ANKFY1: variants seen among roughly 807,000 people sequenced by gnomAD.
ANKFY1 encodes ankyrin repeat and FYVE domain containing 1.
A neutral mutation model predicts 128.3 loss-of-function variants in ANKFY1; 47 were observed. The ratio of observed to expected loss-of-function variants is 0.37; its 90% confidence interval spans 0.29 to 0.47. The LOEUF (loss-of-function observed/expected upper bound fraction) is 0.47, where lower values mean the gene tolerates loss of function less well. Ranked by LOEUF, ANKFY1 falls within the 20% of genes least tolerant of loss-of-function variation. The pLI, the probability that ANKFY1 is intolerant of heterozygous loss-of-function variation, is 1.00. For synonymous variants in ANKFY1, 553 were observed against 601.6 expected (o/e 0.92, Z 1.18); for missense variants, 1,222 against 1,510.6 (o/e 0.81, Z 3.17).
chr17:4,263,942 G>GTGGCTCC lies in ANKFY1; in HGVS notation c.-2_-1insGGAGCCA, dbSNP rs1567990143. On this transcript the variant is annotated 5_prime_UTR_variant, in exon 1 of 25. Coordinates refer to ENST00000341657, the MANE Select transcript of ANKFY1 (RefSeq NM_001330063.2). ...ACAAAAAAACCCTACCTTCCGCCAT[G>GTGGCTCC]TCTGGCCCGGCACTGCCTGCAACCT... is the stretch of plus-strand genomic sequence containing the variant. The GTGGCTCC allele has an allele frequency of 3.1e-6, 5 of 1,614,010 alleles. No individual in the cohort carries two copies. Among genetic ancestry groups the GTGGCTCC allele is most frequent in the Non-Finnish European group, 4.2e-6 (5 of 1,179,954 alleles).
chr17:4,194,103 AT>A (rs796921017), intron 10 of ANKFY1, among the ~76,000 whole-genome samples: 130 of 108,164 alleles, frequency 1.2e-3, no homozygotes, highest in African/African-American at 5.9e-3. Context: ...ATATATATAT[AT>A]TTTTTTTTTT....
intron 12 of ANKFY1, among the ~76,000 whole-genome samples, chr17:4,184,289 C>G (rs1282209411): frequency 6.6e-6 from 1 of 152,220 alleles, no homozygotes; most frequent in Non-Finnish European, 1.5e-5. Context: ...GCACATAGTA[C>G]CTAAAACCCA....
At chr17:4,200,262 TACC>T (rs2143012284) in intron 7 of ANKFY1, among the ~76,000 whole-genome samples, 1 of 152,118 alleles carries the variant, frequency 6.6e-6, no homozygotes, top group South Asian at 2.1e-4. Flanking sequence ...TGGGTTTTGC[TACC>T]ATTGCCCAAG....
intron 1 of ANKFY1, among the ~76,000 whole-genome samples, chr17:4,253,931 G>GACA (rs374098466): frequency 1.3e-5 from 2 of 152,012 alleles, no homozygotes; most frequent in Admixed American, 6.6e-5. Flanking sequence ...TACCTTATAT[G>GACA]ACAACAACAA....
Position 4,184,928 on chromosome 17 carries a change from T to G in ANKFY1, c.1589A>C (p.Glu530Ala). ...QTEEALPLPK[E>A]AASLTSLADS... ...CGCCAAGCTGGTCAGGGATGCGGCC[T>G]CCTTTGGCAGAGGCAGAGCTTCCTC... Residue 530 changes from glutamate (E) to alanine (A), a missense_variant, in exon 12 of 25, where the codon GAG becomes GCG. Physicochemically the swap from Glu to Ala is moderately radical, Grantham distance 107 (BLOSUM62 -1). Coordinates refer to ENST00000341657, the MANE Select transcript of ANKFY1 (RefSeq NM_001330063.2). 1 of 1,614,108 alleles carries G rather than the reference T, an allele frequency of 6.2e-7. No individual in the cohort carries two copies.
chr17:4,252,361 G>A (rs776690387), intron 1 of ANKFY1, among the ~76,000 whole-genome samples: 7 of 152,144 alleles, frequency 4.6e-5, no homozygotes, highest in Non-Finnish European at 7.3e-5. Context: ...GAAGCTAGGA[G>A]TTTGAGAACA....
At chr17:4,220,516 T>C (rs2060292899) in intron 3 of ANKFY1, among the ~76,000 whole-genome samples, 2 of 152,216 alleles carry the variant, frequency 1.3e-5, no homozygotes, top group East Asian at 1.9e-4. Flanking sequence ...GCCCGGTTAA[T>C]CTTGACCTGT....
chr17:4,185,818 T>C (rs938830682), intron 11 of ANKFY1, among the ~76,000 whole-genome samples: 7 of 152,020 alleles, frequency 4.6e-5, no homozygotes, highest in South Asian at 2.1e-4. Context: ...CCAAAATAAA[T>C]AGTACAACAA....
chr17:4,168,622 G>A (rs1020673461), intron 24 of ANKFY1, among the ~76,000 whole-genome samples: 6 of 151,898 alleles, frequency 4.0e-5, no homozygotes, highest in Non-Finnish European at 7.4e-5. Flanking sequence ...TGCCCACCAC[G>A]ACCCCCAGCT....
At position 4,178,905 on chromosome 17, in the gene ANKFY1, G is replaced by A. The variant is rs2059457777; in HGVS notation, c.2550C>T (p.Asn850=). 6.2e-7 allele frequency: 1 copy of A among 1,614,104 alleles called. No homozygotes were observed. Among genetic ancestry groups the A allele is most frequent in the East Asian group, 2.2e-5 (1 of 44,890 alleles). Reference sequence around the variant, plus strand: ...GTTTGAGAATGGCCTCGGCTGACTTGTTGTTCTTGAAAGTCATGGCACAGG... The same window carrying A: ...GTTTGAGAATGGCCTCGGCTGACTTATTGTTCTTGAAAGTCATGGCACAGG... ...PFACAMTFKN[N]KSAEAILKRE... The change falls in exon 18 of 25, where the codon AAC becomes AAT. Residue 850 remains asparagine, a synonymous_variant. Transcript: ENST00000341657. The surrounding 1 kb of genome is among the most constrained non-coding windows in gnomAD (Gnocchi z 4.1).
intron 3 of ANKFY1, among the ~76,000 whole-genome samples, chr17:4,218,587 A>C (rs1458635474): frequency 6.6e-6 from 1 of 152,250 alleles, no homozygotes; most frequent in East Asian, 1.9e-4. Flanking sequence ...TGTCTTTACA[A>C]AAATTCAAAA....
chr17:4,197,606 G>A, intron 7 of ANKFY1, 29 bp from the exon 8 acceptor site: 1 of 1,603,398 alleles, frequency 6.2e-7, no homozygotes, highest in Non-Finnish European at 8.5e-7. Flanking sequence ...AAGAAACAGT[G>A]TCAGGGCAAA....
chr17:4,219,816 T>G (rs2143047742), intron 3 of ANKFY1, among the ~76,000 whole-genome samples: 1 of 152,286 alleles, frequency 6.6e-6, no homozygotes, highest in Non-Finnish European at 1.5e-5. Context: ...AATAATATAG[T>G]AATAGCACCT....
intron 2 of ANKFY1, among the ~76,000 whole-genome samples, chr17:4,238,674 G>A (rs111577541): frequency 0.012 from 1,794 of 151,494 alleles, 22 homozygotes; most frequent in Non-Finnish European, 0.018. Context: ...GAGTTTCACC[G>A]TGTTGGTCAG....
At chr17:4,206,897 G>A (rs543780329) in intron 6 of ANKFY1, among the ~76,000 whole-genome samples, 46 of 152,208 alleles carry the variant, frequency 3.0e-4, no homozygotes, top group African/African-American at 1.1e-3. Context: ...GGACACCCGG[G>A]ATAAAACATA....
chr17:4,217,021 T>G lies in ANKFY1; in HGVS notation c.420A>C (p.Lys140Asn), dbSNP rs1413234726. The G allele has an allele frequency of 6.2e-7, 1 of 1,614,052 alleles. No homozygotes were observed. Among genetic ancestry groups the G allele is most frequent in the Admixed American group, 1.7e-5 (1 of 60,004 alleles). Reference sequence around the variant, plus strand: ...GCTGTAGCTGAAACCGATTTGCTAGTTTCATCAGTTCAGTCAGGAACACAT... The same window carrying G: ...GCTGTAGCTGAAACCGATTTGCTAGGTTCATCAGTTCAGTCAGGAACACAT... ...EDDVFLTELM[K>N]LANRFQLQLL... The change falls in exon 4 of 25, where the codon AAA becomes AAC. Residue 140 changes from lysine (K) to asparagine (N), a missense_variant. Physicochemically the swap from Lys to Asn is moderately conservative, Grantham distance 94. Coordinates refer to ENST00000341657, the MANE Select transcript of ANKFY1 (RefSeq NM_001330063.2).
At chr17:4,218,059 A>G (rs1273571817) in intron 3 of ANKFY1, among the ~76,000 whole-genome samples, 1 of 152,252 alleles carries the variant, frequency 6.6e-6, no homozygotes, top group Non-Finnish European at 1.5e-5. Context: ...AAAAATGGGC[A>G]ATGGATACAA....
chr17:4,200,220 C>G (rs1325953706), intron 7 of ANKFY1, among the ~76,000 whole-genome samples: 1 of 152,064 alleles, frequency 6.6e-6, no homozygotes. Context: ...CGCCAACATA[C>G]CCGGCTAATT....
rs1466033082 is a variant in ANKFY1, at chr17:4,181,480, A to ACTAT, written c.2122-109_2122-108insATAG. On this transcript the variant is annotated intron_variant, in intron 15 of 24. Transcript: ENST00000341657. This position sits in a 1 kb window ranked among gnomAD's most constrained non-coding sequence, Gnocchi z 4.9. ...CATTAAATCCACTTTCAGATAAGAT[A>ACTAT]CGGTTGATAATAAATTGATAATTAC... is the stretch of plus-strand genomic sequence containing the variant. The ACTAT allele has an allele frequency of 1.4e-6, 1 of 728,428 alleles. No individual in the cohort carries two copies. Among genetic ancestry groups the ACTAT allele is most frequent in the African/African-American group, 1.8e-5 (1 of 56,966 alleles). 45.1% of individuals were successfully genotyped at this position (728,428 alleles called of 1,614,324 possible).
Sources: allele counts gnomAD v4.1 joint callset (sites outside exome capture counted in the v4.1 genomes callset), GRCh38; gene constraint gnomAD v4.1.1; non-coding constraint Gnocchi (gnomAD v3.1); transcripts MANE v1.5; gene names NCBI Gene and HGNC (gene_info 2026-07-23, HGNC 2026-07-21).